Variants in CDH13 observed in about 807,000 individuals in gnomAD.
The protein encoded by CDH13 is cadherin 13.
Under a neutral mutation model 63.8 loss-of-function variants are expected in CDH13, and 24 were observed. The ratio of observed to expected loss-of-function variants is 0.38; its 90% CI spans 0.27 to 0.53. The LOEUF is 0.53. Among genes scored for constraint, CDH13 ranks in the 20% least tolerant of loss-of-function variants. CDH13 has a pLI of 0.85. For missense variants in CDH13, 1,049 were observed against 903.1 expected, an observed-to-expected ratio of 1.16 and a Z score of -2.07; for synonymous variants, 503 against 355.3, an observed-to-expected ratio of 1.42 and a Z score of -4.67.
intron 6 of CDH13, among the ~76,000 whole-genome samples, chr16:83,447,220 G>C (rs899706891): frequency 3.4e-5 from 5 of 146,610 alleles, no homozygotes; most frequent in African/African-American, 1.3e-4. Flanking sequence ...TTCGAGACCA[G>C]CCTAGTCAAC....
intron 7 of CDH13, among the ~76,000 whole-genome samples, chr16:83,596,585 C>T (rs568671213): frequency 1.1e-4 from 17 of 151,992 alleles, no homozygotes; most frequent in Non-Finnish European, 1.6e-4. Context: ...GAGTGGCCAG[C>T]GAGGGATACA....
At chr16:83,254,202 C>G (rs1170215761) in intron 5 of CDH13, among the ~76,000 whole-genome samples, 2 of 152,152 alleles carry the variant, frequency 1.3e-5, no homozygotes, top group African/African-American at 2.4e-5. Context: ...TGCAAATTAG[C>G]CTCCCCACCT....
intron 1 of CDH13, among the ~76,000 whole-genome samples, chr16:82,789,716 T>A (rs889210476): frequency 1.3e-5 from 2 of 152,220 alleles, no homozygotes; most frequent in South Asian, 4.1e-4. Flanking sequence ...GTGCTGCTAT[T>A]TTTACACAGT....
At chr16:82,908,661 G>C (rs1312173834) in intron 2 of CDH13, among the ~76,000 whole-genome samples, 1 of 152,074 alleles carries the variant, frequency 6.6e-6, no homozygotes, top group East Asian at 1.9e-4. Context: ...TCACTTTCCA[G>C]ACCTTTCTCT....
chr16:82,922,336 GAC>G (rs1373424611), intron 2 of CDH13, among the ~76,000 whole-genome samples: 2 of 152,164 alleles, frequency 1.3e-5, no homozygotes, highest in Non-Finnish European at 2.9e-5. Context: ...GGTAAGGAAA[GAC>G]ACAGAATATA....
intron 1 of CDH13, among the ~76,000 whole-genome samples, chr16:82,715,687 C>G (rs1439893592): frequency 2.0e-5 from 3 of 152,072 alleles, no homozygotes; most frequent in Admixed American, 2.0e-4. Flanking sequence ...ATAGCAGAGA[C>G]CACACTGTGG....
chr16:83,602,683 G>GC, intron 8 of CDH13, 89 bp downstream of exon 8: 1 of 1,347,490 alleles, frequency 7.4e-7, no homozygotes, highest in African/African-American at 1.4e-5. Flanking sequence ...GCACCTGCTG[G>GC]CCCCCCTTTC....
chr16:83,262,348 C>G (rs1408205757), intron 5 of CDH13, among the ~76,000 whole-genome samples: 2 of 152,104 alleles, frequency 1.3e-5, no homozygotes, highest in African/African-American at 2.4e-5. Flanking sequence ...TAGGGAGACT[C>G]TGAGAGCCAG....
chr16:83,250,927 G>A (rs758887279), intron 5 of CDH13, among the ~76,000 whole-genome samples: 34 of 151,966 alleles, frequency 2.2e-4, no homozygotes, highest in Admixed American at 3.3e-4. Flanking sequence ...GAACTATATG[G>A]AAGTATTTAT....
intron 10 of CDH13, chr16:83,717,844 C>T (rs974200157): frequency 6.6e-6 from 1 of 152,208 alleles, no homozygotes; most frequent in African/African-American, 2.4e-5. Flanking sequence ...CTGGATTTTT[C>T]TTTCACGCAA....
At chr16:83,296,887 C>G (rs2089611831) in intron 5 of CDH13, among the ~76,000 whole-genome samples, 1 of 152,140 alleles carries the variant, frequency 6.6e-6, no homozygotes, top group Admixed American at 6.5e-5. Context: ...TGATGGAACC[C>G]AGTTTCATGA....
chr16:82,939,148 G>T (rs1263102729), intron 2 of CDH13, among the ~76,000 whole-genome samples: 2 of 152,192 alleles, frequency 1.3e-5, no homozygotes, highest in African/African-American at 2.4e-5. Context: ...ACAAGGCTGG[G>T]TGCAGTGGCT....
At chr16:83,006,899 A>ATGTTT (rs1491332477) in intron 2 of CDH13, among the ~76,000 whole-genome samples, 1 of 120,738 alleles carries the variant, frequency 8.3e-6, no homozygotes. Context: ...CCCAGTTTTG[A>ATGTTT]TTTTTTTTGT....
rs190746759 is a variant in CDH13 at position 83,457,942 on chromosome 16, C to G, written c.782-28535C>G. Among the ~76,000 whole-genome samples the G allele has an allele frequency of 2.6e-5, 4 of 152,332 alleles. No individual in the cohort carries two copies. The East Asian group carries it at 5.8e-4, about 22-fold the overall frequency. On this transcript the variant is annotated intron_variant, in intron 6 of 13. Transcript: ENST00000567109. ...CAGGCGTCTGAGAACCCTCATCGGA[C>G]ATACGCAGTGATGCTGGTAAAGCCT...
intron 4 of CDH13, among the ~76,000 whole-genome samples, chr16:83,207,056 A>G (rs2039203469): frequency 6.6e-6 from 1 of 152,262 alleles, no homozygotes; most frequent in Admixed American, 6.5e-5. Context: ...TAATACTAGA[A>G]AAGATAGATA....
At chr16:82,706,291 G>GT (rs2150999090) in intron 1 of CDH13, among the ~76,000 whole-genome samples, 1 of 152,242 alleles carries the variant, frequency 6.6e-6, no homozygotes, top group African/African-American at 2.4e-5. Context: ...AGTAACACAG[G>GT]TGATAAATAA....
chr16:83,076,975 A>G (rs2032885140), intron 3 of CDH13, among the ~76,000 whole-genome samples: 2 of 152,204 alleles, frequency 1.3e-5, no homozygotes, highest in East Asian at 3.9e-4. Context: ...CCATCAAGAT[A>G]GAAACCATCA....
chr16:82,680,695 C>G (rs1372598863), intron 1 of CDH13, among the ~76,000 whole-genome samples: 2 of 152,092 alleles, frequency 1.3e-5, no homozygotes, highest in South Asian at 2.1e-4. Flanking sequence ...AGACTACTTA[C>G]AAAAATGTTG....
intron 10 of CDH13, among the ~76,000 whole-genome samples, chr16:83,747,321 T>C (rs1024625768): frequency 1.3e-5 from 2 of 152,170 alleles, no homozygotes; most frequent in African/African-American, 4.8e-5. Flanking sequence ...CATGCTGTTC[T>C]CGTGATAGTG....
Sources: allele counts gnomAD v4.1 joint callset (sites outside exome capture counted in the v4.1 genomes callset), GRCh38; gene constraint gnomAD v4.1.1; transcripts MANE v1.5; gene names NCBI Gene and HGNC (gene_info 2026-07-23, HGNC 2026-07-21).